CLVS1: variants seen among roughly 807,000 people sequenced by gnomAD.
CLVS1 encodes clavesin-1.
Under a neutral mutation model 33.1 loss-of-function variants are expected in CLVS1, and 10 were observed. That is an observed-to-expected ratio of 0.30 (90% confidence interval 0.19 to 0.51). The LOEUF is 0.51. Ranked by LOEUF, CLVS1 falls within the 20% of genes least tolerant of loss-of-function variation. CLVS1 has a pLI of 0.97. For missense variants in CLVS1, 343 were observed against 433.4 expected, an observed-to-expected ratio of 0.79 and a Z score of 1.85; for synonymous variants, 163 against 166.1, an observed-to-expected ratio of 0.98 and a Z score of 0.14.
chr8:61,365,895 C>A (rs1203766224), intron 2 of CLVS1, among the ~76,000 whole-genome samples: 1 of 151,890 alleles, frequency 6.6e-6, no homozygotes, highest in Admixed American at 6.6e-5. Flanking sequence ...GTAGAAAAAC[C>A]CTGGTGTAAA....
intron 3 of CLVS1, among the ~76,000 whole-genome samples, chr8:61,402,941 G>A (rs182354730): frequency 2.6e-5 from 4 of 152,282 alleles, no homozygotes; most frequent in African/African-American, 7.2e-5. Flanking sequence ...GTGTGTGTGC[G>A]TGCTTGCATG....
chr8:61,311,144 A>G (rs969123576), intron 2 of CLVS1, among the ~76,000 whole-genome samples: 1 of 152,218 alleles, frequency 6.6e-6, no homozygotes, highest in Non-Finnish European at 1.5e-5. Context: ...TAAAGAGCTG[A>G]TAAAATACAA....
chr8:61,217,317 T>C (rs1366805551), intron 2 of CLVS1, among the ~76,000 whole-genome samples: 1 of 152,210 alleles, frequency 6.6e-6, no homozygotes, highest in African/African-American at 2.4e-5. Context: ...AAAGGGGCTA[T>C]AGTGCAGATT....
At chr8:61,475,809 C>T (rs187037258) in intron 5 of CLVS1, among the ~76,000 whole-genome samples, 1 of 152,134 alleles carries the variant, frequency 6.6e-6, no homozygotes, top group African/African-American at 2.4e-5. Flanking sequence ...AATTAGATAC[C>T]ATTTGTCAAT....
At chr8:61,163,909 C>G (rs931529119) in intron 2 of CLVS1, among the ~76,000 whole-genome samples, 1 of 152,130 alleles carries the variant, frequency 6.6e-6, no homozygotes, top group Admixed American at 6.5e-5. Context: ...TCAGCTCAAG[C>G]TGGAACAAAC....
At chr8:61,033,500 C>T in the CLVS1 span, among the ~76,000 whole-genome samples, 2 of 152,130 alleles carry the variant, frequency 1.3e-5, no homozygotes, top group Non-Finnish European at 2.9e-5. Context: ...AGAAACAGCC[C>T]CTCACACGGA....
intron 2 of CLVS1, among the ~76,000 whole-genome samples, chr8:61,263,052 G>A (rs543265766): frequency 6.3e-4 from 96 of 152,286 alleles, no homozygotes; most frequent in African/African-American, 2.2e-3. Context: ...GCTGGCATTC[G>A]AAAGAGCAGG....
chr8:61,310,966 T>C lies in CLVS1; in HGVS notation c.455+10684T>C, dbSNP rs373330116. The stretch of plus-strand genomic sequence containing the variant: ...TTTTACCCTTGTTTTTCTCCTTTGT[T>C]TGGTAATAATATGTATTCTGTAGAA... On this transcript the variant is annotated intron_variant, in intron 2 of 5. Transcript: ENST00000325897. Among the ~76,000 whole-genome samples, 3 of 152,172 alleles carry C rather than the reference T, an allele frequency of 2.0e-5. No homozygotes were observed. The East Asian group carries it at 5.8e-4, about 29-fold the overall frequency.
chr8:61,481,208 T>C (rs1818181003), intron 5 of CLVS1, among the ~76,000 whole-genome samples: 1 of 152,146 alleles, frequency 6.6e-6, no homozygotes. Flanking sequence ...GAGCCCTAGC[T>C]CTGCAATTTG....
At chr8:61,055,286 C>T (rs1236464852), upstream of CLVS1, among the ~76,000 whole-genome samples, 1 of 152,228 alleles carries the variant, frequency 6.6e-6, no homozygotes, top group South Asian at 2.1e-4. Flanking sequence ...CCCTCAAGCA[C>T]TTTAAAATGT....
intron 2 of CLVS1, among the ~76,000 whole-genome samples, chr8:61,161,163 G>C (rs1252032628): frequency 6.6e-6 from 1 of 152,074 alleles, no homozygotes; most frequent in Non-Finnish European, 1.5e-5. Context: ...TTATCAAAAA[G>C]ACAAAATATA....
chr8:61,344,302 C>G (rs1462393106), intron 2 of CLVS1, among the ~76,000 whole-genome samples: 1 of 152,208 alleles, frequency 6.6e-6, no homozygotes, highest in African/African-American at 2.4e-5. Flanking sequence ...CCACATCAGC[C>G]TCCCAAAGTG....
At chr8:61,394,692 G>A (rs890325448) in intron 3 of CLVS1, among the ~76,000 whole-genome samples, 1 of 152,172 alleles carries the variant, frequency 6.6e-6, no homozygotes, top group African/African-American at 2.4e-5. Context: ...CTCGCCAGCA[G>A]CACTGAGTTT....
chr8:61,058,741 C>G (rs185126555), intron 1 of CLVS1, among the ~76,000 whole-genome samples: 1 of 152,212 alleles, frequency 6.6e-6, no homozygotes, highest in African/African-American at 2.4e-5. Context: ...GATCTGTTTT[C>G]TGTTATAATA....
the CLVS1 span, among the ~76,000 whole-genome samples, chr8:61,047,464 C>T: frequency 1.3e-5 from 2 of 152,100 alleles, no homozygotes; most frequent in East Asian, 1.9e-4. Context: ...TGGGTATATA[C>T]CCAAAGGACT....
chr8:61,110,347 T>C (rs1805604662), intron 1 of CLVS1, among the ~76,000 whole-genome samples: 1 of 152,078 alleles, frequency 6.6e-6, no homozygotes, highest in African/African-American at 2.4e-5. Flanking sequence ...CTCTCTCCCT[T>C]CCCTCTCTTC....
chr8:61,231,527 C>T (rs1045158619), intron 2 of CLVS1, among the ~76,000 whole-genome samples: 2 of 152,206 alleles, frequency 1.3e-5, no homozygotes, highest in African/African-American at 4.8e-5. Context: ...AGCAAATCCA[C>T]TCCCCTTGTC....
At chr8:61,198,379 A>T (rs1807659587) in intron 2 of CLVS1, among the ~76,000 whole-genome samples, 1 of 152,026 alleles carries the variant, frequency 6.6e-6, no homozygotes, top group South Asian at 2.1e-4. Context: ...TACCCAATAG[A>T]TACTTTTTCT....
At chr8:61,332,133 A>C (rs887530388) in intron 2 of CLVS1, among the ~76,000 whole-genome samples, 1 of 152,194 alleles carries the variant, frequency 6.6e-6, no homozygotes, top group South Asian at 2.1e-4. Flanking sequence ...CTGAGGGAAA[A>C]GGTGGCTGCC....
Sources: allele counts gnomAD v4.1 joint callset (sites outside exome capture counted in the v4.1 genomes callset), GRCh38; gene constraint gnomAD v4.1.1; transcripts MANE v1.5; gene names NCBI Gene and HGNC (gene_info 2026-07-23, HGNC 2026-07-21).